The following BLK variants were observed in gnomAD, a reference collection of about 807,000 sequenced individuals.
BLK encodes the protein tyrosine-protein kinase Blk.
BLK carries 64 observed loss-of-function variants against 61.8 expected under a neutral mutation model. The ratio of observed to expected loss-of-function variants is 1.03; its 90% CI spans 0.85 to 1.27. BLK has a LOEUF of 1.27. BLK is among the 50% of genes most tolerant of loss of function. The probability of loss-of-function intolerance (pLI) is 0.00; values close to 1 mark genes in which losing one functional copy is unlikely to be tolerated. For synonymous variants in BLK, 351 were observed against 272.0 expected, an observed-to-expected ratio of 1.29 and a Z score of -2.86; for missense variants, 853 against 660.5, an observed-to-expected ratio of 1.29 and a Z score of -3.19.
intron 2 of BLK, 52 bp from the exon 3 acceptor site, chr8:11,546,000 C>T: frequency 1.3e-6 from 2 of 1,594,616 alleles, no homozygotes; most frequent in South Asian, 1.1e-5. Context: ...CCCCCAGGCC[C>T]CACCCACGCA....
At chr8:11,503,327 T>G (rs1356467844) in intron 1 of BLK, among the ~76,000 whole-genome samples, 5 of 152,152 alleles carry the variant, frequency 3.3e-5, no homozygotes, top group Non-Finnish European at 7.4e-5. Context: ...GGATGGGAGC[T>G]TGTGTGTAGG....
At position 11,546,075 on chromosome 8, in the gene BLK, T is replaced by A. The variant is rs1800624471; in HGVS notation, c.147T>A (p.Pro49=). The change falls in exon 3 of 13, where the codon CCT becomes CCA. Residue 49 remains proline (P), a synonymous_variant. Transcript: ENST00000259089. The stretch of plus-strand genomic sequence containing the variant: ...AGGTTGTCTTCAACCACCTTACTCC[T>A]CCACCGCCCGATGAACACCTGGATG... ...PPLVVFNHLT[P]PPPDEHLDED... is the part of the protein sequence containing the mutation. 6.2e-7 allele frequency: 1 copy of A among 1,614,088 alleles called. No homozygotes were observed. The highest frequency in any genetic ancestry group is 8.5e-7 in the Non-Finnish European group (1 of 1,180,008).
intron 1 of BLK, 87 bp from the exon 2 acceptor site, chr8:11,543,137 T>A: frequency 1.2e-6 from 2 of 1,603,530 alleles, no homozygotes; most frequent in Non-Finnish European, 1.7e-6. Context: ...CTAACCAGCC[T>A]CCCGGAAGGG....
In BLK at chr8:11,544,966, C is replaced by T. The variant is rs144735060; in HGVS notation, c.124-1086C>T. Among the ~76,000 whole-genome samples the T allele has an allele frequency of 1.9e-3, 296 of 152,318 alleles. 1 individual carries two copies. Among genetic ancestry groups the T allele is most frequent in the Non-Finnish European group, 3.2e-3 (216 of 68,028 alleles). On this transcript the variant is annotated intron_variant, in intron 2 of 12. Transcript: ENST00000259089. ...CCTCCCCTGTTTGTACCCTTCACCC[C>T]AGGCCCCAATACCCAGAATCTGTTT...
At chr8:11,530,425 C>T (rs1297162408) in intron 1 of BLK, among the ~76,000 whole-genome samples, 1 of 152,156 alleles carries the variant, frequency 6.6e-6, no homozygotes, top group Non-Finnish European at 1.5e-5. Flanking sequence ...AGGTCAGCCT[C>T]GATTTCTTAA....
intron 10 of BLK, chr8:11,560,270 GATGGATGGATGGATCC>G: frequency 1.1e-5 from 2 of 190,018 alleles, no homozygotes; most frequent in Middle Eastern, 2.1e-3. Context: ...TGGGTGGGTG[GATGGATGGATGGATCC>G]ATGGATGGAT....
At chr8:11,544,288 C>G (rs940231645) in intron 2 of BLK, among the ~76,000 whole-genome samples, 1 of 152,082 alleles carries the variant, frequency 6.6e-6, no homozygotes, top group Non-Finnish European at 1.5e-5. Context: ...TTAGATGATT[C>G]TTTGTGCTCT....
At chr8:11,526,771 G>A (rs1563441604) in intron 1 of BLK, among the ~76,000 whole-genome samples, 2 of 152,192 alleles carry the variant, frequency 1.3e-5, no homozygotes, top group Non-Finnish European at 2.9e-5. Flanking sequence ...TAATTTTACT[G>A]TGTTTCATCA....
intron 1 of BLK, among the ~76,000 whole-genome samples, chr8:11,523,171 A>C (rs1430677415): frequency 6.6e-6 from 1 of 152,132 alleles, no homozygotes; most frequent in East Asian, 1.9e-4. Context: ...ACGACACAGG[A>C]AAGATTAATA....
At chr8:11,513,684 G>T (rs1799111484) in intron 1 of BLK, among the ~76,000 whole-genome samples, 1 of 152,222 alleles carries the variant, frequency 6.6e-6, no homozygotes, top group South Asian at 2.1e-4. Context: ...AGTGATCCAG[G>T]GAGGCCTTTG....
chr8:11,558,922 C>T (rs1005816529), intron 10 of BLK: 6 of 456,060 alleles, frequency 1.3e-5, no homozygotes, highest in African/African-American at 1.0e-4. Flanking sequence ...CCAGTAGCGC[C>T]GCTGCAGGAA....
At chr8:11,508,237 G>A (rs186799864) in intron 1 of BLK, among the ~76,000 whole-genome samples, 1 of 152,338 alleles carries the variant, frequency 6.6e-6, no homozygotes, top group East Asian at 1.9e-4. Context: ...GTGTCACGGC[G>A]CGAAGGCTAA....
At chr8:11,559,910 A>G (rs1038240476) in intron 10 of BLK, 5 of 449,196 alleles carry the variant, frequency 1.1e-5, no homozygotes, top group African/African-American at 1.0e-4. Flanking sequence ...CTTGCTCAGC[A>G]GATCTGGGCA....
chr8:11,549,812 C>T (rs1444163062), intron 5 of BLK, among the ~76,000 whole-genome samples: 2 of 152,240 alleles, frequency 1.3e-5, no homozygotes, highest in African/African-American at 4.8e-5. Flanking sequence ...ATTCAGATCT[C>T]AGACTGCAAG....
Position 11,555,340 on chromosome 8 carries a change from G to T in BLK, c.628G>T (p.Asp210Tyr). Residue 210 changes from aspartate (D) to tyrosine (Y), a missense_variant, in exon 8 of 13, where the codon GAT becomes TAT. Transcript: ENST00000259089. ...ALVQHYSKKG[D>Y]GLCQRLTLPC... ...TTTCTTCCCTAATGCAGAGAAGGGG[G>T]ATGGTCTATGCCAGAGGCTGACCCT... The T allele has an allele frequency of 6.2e-7, 1 of 1,614,068 alleles. No homozygotes were observed. Among genetic ancestry groups the T allele is most frequent in the Non-Finnish European group, 8.5e-7 (1 of 1,180,010 alleles).
intron 1 of BLK, among the ~76,000 whole-genome samples, chr8:11,538,099 C>T (rs991299014): frequency 1.3e-5 from 2 of 152,188 alleles, no homozygotes; most frequent in Non-Finnish European, 2.9e-5. Context: ...TATACACACA[C>T]ATATTCAAGC....
chr8:11,546,115 G>A lies in BLK; in HGVS notation c.175+12G>A. 6.2e-7 allele frequency: 1 copy of A among 1,614,176 alleles called. No individual in the cohort carries two copies. Among genetic ancestry groups the A allele is most frequent in the Non-Finnish European group, 8.5e-7 (1 of 1,180,014 alleles). ...ACACCTGGATGAAGGTAAGAAGGGTGGTTTGGGAAGCTGAGGCTCCACAGC... is the reference window on the plus strand; with the variant it reads ...ACACCTGGATGAAGGTAAGAAGGGTAGTTTGGGAAGCTGAGGCTCCACAGC... On this transcript the variant is annotated intron_variant, in intron 3 of 12. Coordinates refer to ENST00000259089, the MANE Select transcript of BLK (RefSeq NM_001715.3).
Position 11,549,098 on chromosome 8 carries a change from G to T in BLK, c.344G>T (p.Arg115Leu). 2 of 1,609,340 alleles carry T rather than the reference G, an allele frequency of 1.2e-6. No individual in the cohort carries two copies. The highest frequency in any genetic ancestry group is 4.5e-5 in the East Asian group (2 of 44,830). Residue 115 changes from arginine to leucine, a missense_variant, in exon 5 of 13, where the codon CGA becomes CTA. Arg to Leu is a moderately radical substitution (Grantham distance 102). Transcript: ENST00000259089. ...TATGTGCCCAGTAACTTTGTGGCCC[G>T]AGTGGAGAGCCTGGAAATGGAAAGG... The part of the protein sequence containing the change: ...EGYVPSNFVA[R>L]VESLEMERWF...
chr8:11,512,185 CAGA>C (rs1344173641), intron 1 of BLK, among the ~76,000 whole-genome samples: 2 of 152,162 alleles, frequency 1.3e-5, no homozygotes, highest in Non-Finnish European at 2.9e-5. Flanking sequence ...GCTGTGGGAT[CAGA>C]AGAAGGGATG....
Sources: gnomAD v4.1 joint callset for allele counts (sites outside exome capture counted in the v4.1 genomes callset) on GRCh38, gnomAD v4.1.1 for gene constraint, MANE v1.5 for transcripts, NCBI Gene and HGNC (gene_info 2026-07-23, HGNC 2026-07-21) for gene names.